RBFOX3: variants seen among roughly 807,000 people sequenced by gnomAD.
The protein encoded by RBFOX3 is RNA binding fox-1 homolog 3.
In RBFOX3, 17 loss-of-function variants were observed where a neutral mutation model predicts 48.7. The observed-to-expected ratio is 0.35, with a 90% CI of 0.24 to 0.52. RBFOX3 has a LOEUF of 0.52. Among genes scored for constraint, RBFOX3 ranks in the 20% least tolerant of loss-of-function variants. The pLI, the probability that RBFOX3 is intolerant of heterozygous loss-of-function variation, is 0.94. For synonymous variants in RBFOX3, 212 were observed against 209.5 expected (o/e 1.01, Z -0.10); for missense variants, 382 against 497.5 (o/e 0.77, Z 2.21).
At chr17:79,240,365 C>T (rs945024952) in intron 3 of RBFOX3, among the ~76,000 whole-genome samples, 5 of 152,236 alleles carry the variant, frequency 3.3e-5, no homozygotes, top group African/African-American at 1.2e-4. Flanking sequence ...GTCACACATA[C>T]ATCCCTTCTC....
intron 1 of RBFOX3, among the ~76,000 whole-genome samples, chr17:79,557,618 T>C (rs1466792472): frequency 6.6e-6 from 1 of 152,208 alleles, no homozygotes; most frequent in Non-Finnish European, 1.5e-5. Flanking sequence ...AATTAGCGGC[T>C]GTTGGTGAGG....
chr17:79,620,425 G>A, the RBFOX3 span, among the ~76,000 whole-genome samples: 10 of 133,238 alleles, frequency 7.5e-5, no homozygotes, highest in East Asian at 1.4e-3. Context: ...ATGCACACAC[G>A]CACGTGCACA....
At chr17:79,663,434 G>A in the RBFOX3 span, among the ~76,000 whole-genome samples, 1 of 152,114 alleles carries the variant, frequency 6.6e-6, no homozygotes. Context: ...AAGTCATCCT[G>A]GGCTGAGGCT....
chr17:79,287,079 T>C (rs1460156281), intron 3 of RBFOX3, among the ~76,000 whole-genome samples: 1 of 152,238 alleles, frequency 6.6e-6, no homozygotes, highest in African/African-American at 2.4e-5. Context: ...GCAAGCAGGA[T>C]AGCTTTACCC....
intron 4 of RBFOX3, among the ~76,000 whole-genome samples, chr17:79,153,897 T>A (rs943471611): frequency 6.6e-6 from 1 of 152,144 alleles, no homozygotes; most frequent in Non-Finnish European, 1.5e-5. Context: ...CCAGCCCCCA[T>A]GATCCATTCC....
chr17:79,237,010 C>T (rs1437123182), intron 3 of RBFOX3, among the ~76,000 whole-genome samples: 2 of 152,112 alleles, frequency 1.3e-5, no homozygotes, highest in Non-Finnish European at 2.9e-5. Flanking sequence ...TTCAAATGTA[C>T]AATTCAGTGG....
intron 3 of RBFOX3, among the ~76,000 whole-genome samples, chr17:79,258,077 T>C (rs2065169975): frequency 6.6e-6 from 1 of 152,138 alleles, no homozygotes; most frequent in South Asian, 2.1e-4. Context: ...TACACAGAAG[T>C]CCAAGTTTGC....
In RBFOX3 at chr17:79,361,323, G is replaced by A. The variant is rs145884135; in HGVS notation, c.-174-53499C>T. Among the ~76,000 whole-genome samples the A allele has an allele frequency of 1.2e-3, 180 of 152,288 alleles. No individual in the cohort carries two copies. The highest frequency in any genetic ancestry group is 4.1e-3 in the African/African-American group (171 of 41,546). ...ATTTGCCATCGGGGCTATCTGAGAC[G>A]CTCATCGAGGTGCTTACCCGCTAAC... On this transcript the variant is annotated intron_variant, in intron 2 of 14. Coordinates refer to ENST00000693108, the MANE Select transcript of RBFOX3 (RefSeq NM_001350451.2). This position sits in a 1 kb window ranked among gnomAD's most constrained non-coding sequence, Gnocchi z 4.5.
chr17:79,570,057 G>A (rs1197239031), intron 1 of RBFOX3, among the ~76,000 whole-genome samples: 1 of 150,474 alleles, frequency 6.6e-6, no homozygotes, highest in African/African-American at 2.4e-5. Context: ...ATGGTGAATG[G>A]GCAGATGGAT....
At chr17:79,292,598 ACG>A (rs879564600) in intron 3 of RBFOX3, among the ~76,000 whole-genome samples, 17,301 of 126,552 alleles carry the variant, frequency 0.14, 1,028 homozygotes, top group East Asian at 0.23. Flanking sequence ...ACACACACAC[ACG>A]CACACACACA....
At chr17:79,244,775 C>A (rs888113891) in intron 3 of RBFOX3, among the ~76,000 whole-genome samples, 1 of 136,752 alleles carries the variant, frequency 7.3e-6, no homozygotes, top group African/African-American at 2.6e-5. Flanking sequence ...TCCTTCCTTC[C>A]TTTATTCTCC....
At chr17:79,293,659 G>A (rs112290535) in intron 3 of RBFOX3, among the ~76,000 whole-genome samples, 31,222 of 151,840 alleles carry the variant, frequency 0.21, 3,758 homozygotes, top group African/African-American at 0.33. Context: ...CACCATGTTG[G>A]CTGGGCTGGT....
intron 4 of RBFOX3, among the ~76,000 whole-genome samples, chr17:79,131,524 G>A (rs879060662): frequency 1.3e-5 from 2 of 152,206 alleles, no homozygotes; most frequent in South Asian, 4.1e-4. Flanking sequence ...TCGCCACTCC[G>A]CTATCTGCTG....
intron 3 of RBFOX3, among the ~76,000 whole-genome samples, chr17:79,294,552 C>T (rs2073992167): frequency 6.6e-6 from 1 of 152,138 alleles, no homozygotes; most frequent in African/African-American, 2.4e-5. Flanking sequence ...CCTCAAATGA[C>T]CTGCCTGCCG....
In RBFOX3 at chr17:79,204,736, T is replaced by C. The variant is rs1288874881; in HGVS notation, c.-34+31030A>G. On this transcript the variant is annotated intron_variant, in intron 4 of 14. Transcript: ENST00000693108. The surrounding 1 kb of genome is among the most constrained non-coding windows in gnomAD (Gnocchi z 4.5). Reference sequence around the variant, plus strand: ...ACTTAGGGTTGCCATTAGGAGATGCTGCCACTAACTGGGCTCCTTAGTATC... The same window carrying C: ...ACTTAGGGTTGCCATTAGGAGATGCCGCCACTAACTGGGCTCCTTAGTATC... Among the ~76,000 whole-genome samples the C allele has an allele frequency of 6.6e-6, 1 of 152,186 alleles. No individual in the cohort carries two copies. Among genetic ancestry groups the C allele is most frequent in the Non-Finnish European group, 1.5e-5 (1 of 68,034 alleles).
intron 4 of RBFOX3, among the ~76,000 whole-genome samples, chr17:79,197,391 T>TTC (rs1491540663): frequency 4.5e-5 from 4 of 88,960 alleles, no homozygotes; most frequent in African/African-American, 2.2e-4. Context: ...TTTCTTTCTT[T>TTC]TTTTTTTTTT....
At chr17:79,353,096 G>C (rs1475472024) in intron 2 of RBFOX3, among the ~76,000 whole-genome samples, 2 of 152,204 alleles carry the variant, frequency 1.3e-5, no homozygotes, top group Non-Finnish European at 2.9e-5. Flanking sequence ...GAGGGACATC[G>C]TCCCTTGACA....
chr17:79,209,417 A>G (rs1273138647), intron 4 of RBFOX3, among the ~76,000 whole-genome samples: 1 of 152,182 alleles, frequency 6.6e-6, no homozygotes, highest in African/African-American at 2.4e-5. Flanking sequence ...GGACAGAGGC[A>G]CTCGGGACAC....
At chr17:79,294,770 G>A (rs373021228) in intron 3 of RBFOX3, among the ~76,000 whole-genome samples, 2 of 152,198 alleles carry the variant, frequency 1.3e-5, no homozygotes, top group Non-Finnish European at 2.9e-5. Flanking sequence ...CATGCCTCAC[G>A]GGACACACAT....
Sources: allele counts gnomAD v4.1 joint callset (sites outside exome capture counted in the v4.1 genomes callset), GRCh38; gene constraint gnomAD v4.1.1; non-coding constraint Gnocchi (gnomAD v3.1); transcripts MANE v1.5; gene names NCBI Gene and HGNC (gene_info 2026-07-23, HGNC 2026-07-21).